The following ZNF431 variants were observed in gnomAD, a reference collection of about 807,000 sequenced individuals.
The protein encoded by ZNF431 is zinc finger protein 431.
A neutral mutation model predicts 57.0 loss-of-function variants in ZNF431; 34 were observed. The ratio of observed to expected loss-of-function variants is 0.60; its 90% CI spans 0.45 to 0.79. The LOEUF (loss-of-function observed/expected upper bound fraction) is 0.79. ZNF431 is among the 30% of genes least tolerant of loss of function. The probability of loss-of-function intolerance (pLI) is 0.00; values close to 1 mark genes in which losing one functional copy is unlikely to be tolerated. For missense variants in ZNF431, 607 were observed against 667.1 expected, an observed-to-expected ratio of 0.91 and a Z score of 0.99; for synonymous variants, 207 against 220.3, an observed-to-expected ratio of 0.94 and a Z score of 0.54.
intron 2 of ZNF431, among the ~76,000 whole-genome samples, chr19:21,164,938 C>G (rs1362894976): frequency 6.6e-6 from 1 of 151,036 alleles, no homozygotes; most frequent in African/African-American, 2.5e-5. Context: ...TGGATAAACC[C>G]CGTCTCTACT....
chr19:21,166,832 C>G (rs1331019083), intron 3 of ZNF431, among the ~76,000 whole-genome samples: 1 of 152,242 alleles, frequency 6.6e-6, no homozygotes, highest in African/African-American at 2.4e-5. Flanking sequence ...AGATGTCTCT[C>G]TTTAATCAGT....
intron 2 of ZNF431, among the ~76,000 whole-genome samples, chr19:21,148,055 G>T (rs1267515109): frequency 1.3e-5 from 2 of 151,322 alleles, no homozygotes; most frequent in Admixed American, 6.6e-5. Flanking sequence ...GAGTGCTATG[G>T]CAGGATCTCA....
chr19:21,164,939 C>T (rs1283715210), intron 2 of ZNF431, among the ~76,000 whole-genome samples: 2 of 150,922 alleles, frequency 1.3e-5, no homozygotes, highest in African/African-American at 4.9e-5. Flanking sequence ...GGATAAACCC[C>T]GTCTCTACTA....
At chr19:21,157,294 C>T (rs970585758) in intron 2 of ZNF431, among the ~76,000 whole-genome samples, 3 of 151,972 alleles carry the variant, frequency 2.0e-5, no homozygotes, top group South Asian at 2.1e-4. Context: ...TGTGCCATCA[C>T]GCCCGGCTAA....
Position 21,142,081 on chromosome 19 carries a change from C to T in ZNF431, c.-103C>T. On this transcript the variant is annotated 5_prime_UTR_variant, in exon 1 of 5. Transcript: ENST00000311048. The stretch of plus-strand genomic sequence containing the variant: ...TGAGCTCCAGGTCTCCCCTTCGCTG[C>T]TCTGTGTCCTCTGCTCCTAGAGGCC... 10 of 1,499,194 alleles carry T rather than the reference C, an allele frequency of 6.7e-6. No individual in the cohort carries two copies. The highest frequency in any genetic ancestry group is 9.2e-6 in the Non-Finnish European group (10 of 1,081,320). The allele number at this position is 1,499,194 out of a possible 1,614,324, so 92.9% of individuals were successfully genotyped here.
At chr19:21,169,749 T>A (rs1970828953) in intron 4 of ZNF431, 1 of 398,468 alleles carries the variant, frequency 2.5e-6, no homozygotes, top group South Asian at 1.3e-4. Flanking sequence ...GGGTTTGCCT[T>A]TCACTGAATA....
intron 1 of ZNF431, among the ~76,000 whole-genome samples, chr19:21,143,297 C>A (rs1338595116): frequency 6.6e-6 from 1 of 152,138 alleles, no homozygotes; most frequent in Admixed American, 6.5e-5. Flanking sequence ...GAATAATCCC[C>A]TGATACTGTA....
intron 2 of ZNF431, among the ~76,000 whole-genome samples, chr19:21,157,931 C>T (rs899425742): frequency 6.6e-6 from 1 of 151,630 alleles, no homozygotes. Context: ...CTTTTGTTAC[C>T]GTAGCCCTCT....
intron 4 of ZNF431, among the ~76,000 whole-genome samples, chr19:21,175,885 T>A (rs1405964409): frequency 6.6e-6 from 1 of 152,260 alleles, no homozygotes; most frequent in African/African-American, 2.4e-5. Context: ...GCAATGAAGA[T>A]ACACATCCAT....
intron 2 of ZNF431, among the ~76,000 whole-genome samples, chr19:21,156,245 C>T (rs1383557747): frequency 6.6e-6 from 1 of 152,272 alleles, no homozygotes; most frequent in African/African-American, 2.4e-5. Context: ...GCCACCTGTT[C>T]ATAATCTCAT....
intron 2 of ZNF431, among the ~76,000 whole-genome samples, chr19:21,149,054 G>A (rs923619491): frequency 6.6e-6 from 1 of 152,144 alleles, no homozygotes; most frequent in African/African-American, 2.4e-5. Context: ...ATATGTTTGG[G>A]CTTTCTGATT....
At chr19:21,173,838 T>A (rs183180309) in intron 4 of ZNF431, among the ~76,000 whole-genome samples, 316 of 152,312 alleles carry the variant, frequency 2.1e-3, no homozygotes, top group South Asian at 5.2e-3. Context: ...CATTTTTATT[T>A]TTATGAGTTT....
At chr19:21,181,364 A>G (rs919649652) in intron 4 of ZNF431, among the ~76,000 whole-genome samples, 3 of 151,942 alleles carry the variant, frequency 2.0e-5, no homozygotes, top group African/African-American at 7.3e-5. Flanking sequence ...TGATGGTATT[A>G]TTCTCACTTT....
At chr19:21,159,841 T>C (rs1340481621) in intron 2 of ZNF431, among the ~76,000 whole-genome samples, 2 of 152,202 alleles carry the variant, frequency 1.3e-5, no homozygotes, top group East Asian at 3.9e-4. Context: ...AATTCAATTT[T>C]GGAACTTGTT....
chr19:21,150,498 G>C (rs749836909), intron 2 of ZNF431: 6 of 189,904 alleles, frequency 3.2e-5, no homozygotes, highest in African/African-American at 9.5e-5. Flanking sequence ...TAGTTTCAGC[G>C]TGGAGCCCAG....
At chr19:21,146,311 G>C (rs570206591) in intron 2 of ZNF431, among the ~76,000 whole-genome samples, 1 of 151,236 alleles carries the variant, frequency 6.6e-6, no homozygotes, top group South Asian at 2.1e-4. Context: ...TCAGGAGACT[G>C]AGGCAAAAGA....
intron 2 of ZNF431, among the ~76,000 whole-genome samples, chr19:21,153,581 A>G (rs1010834416): frequency 6.6e-6 from 1 of 152,368 alleles, no homozygotes; most frequent in Admixed American, 6.5e-5. Flanking sequence ...TTTCTTTGTC[A>G]TATACATTTC....
chr19:21,169,664 T>G (rs1970826033), intron 4 of ZNF431: 1 of 395,516 alleles, frequency 2.5e-6, no homozygotes. Flanking sequence ...CTTTAAGACT[T>G]TGATCTGTAG....
chr19:21,150,862 G>A (rs145372874), intron 2 of ZNF431, among the ~76,000 whole-genome samples: 15 of 152,164 alleles, frequency 9.9e-5, no homozygotes, highest in African/African-American at 3.6e-4. Flanking sequence ...ATCAGATAAC[G>A]CATTGCAAAA....
Sources: gnomAD v4.1 joint callset for allele counts (sites outside exome capture counted in the v4.1 genomes callset) on GRCh38, gnomAD v4.1.1 for gene constraint, MANE v1.5 for transcripts, NCBI Gene and HGNC (gene_info 2026-07-23, HGNC 2026-07-21) for gene names.